BTAF1: variants seen among roughly 807,000 people sequenced by gnomAD.
The protein encoded by BTAF1 is TATA-binding protein-associated factor 172.
BTAF1 carries 38 observed loss-of-function variants against 227.1 expected under a neutral mutation model. The ratio of observed to expected loss-of-function variants is 0.17; its 90% CI spans 0.13 to 0.22. BTAF1 has a LOEUF of 0.22. Ranked by LOEUF, BTAF1 falls within the 10% of genes least tolerant of loss-of-function variation. BTAF1 has a pLI of 1.00. For synonymous variants in BTAF1, 742 were observed against 751.9 expected (o/e 0.99, Z 0.21); for missense variants, 1,598 against 2,204.0 (o/e 0.73, Z 5.51).
chr10:91,990,875 G>A (rs569416063), intron 20 of BTAF1, among the ~76,000 whole-genome samples: 2 of 152,218 alleles, frequency 1.3e-5, no homozygotes, highest in East Asian at 1.9e-4. Context: ...AGGAGGTCGA[G>A]GTGAGCAGAT....
At chr10:91,928,144 C>A (rs1843999043) in intron 1 of BTAF1, among the ~76,000 whole-genome samples, 1 of 151,828 alleles carries the variant, frequency 6.6e-6, no homozygotes, top group Admixed American at 6.6e-5. Context: ...ATAGTAAATT[C>A]TGTGATAGCA....
At chr10:91,952,499 T>G (rs1276066942) in intron 5 of BTAF1, among the ~76,000 whole-genome samples, 2 of 152,230 alleles carry the variant, frequency 1.3e-5, no homozygotes, top group African/African-American at 2.4e-5. Context: ...CAGTATTCTT[T>G]TAGGGGTCCA....
chr10:92,030,910 A>C lies in BTAF1; in HGVS notation c.*1977A>C, dbSNP rs1851853390. Among the ~76,000 whole-genome samples, 1 of 152,234 alleles carries C rather than the reference A, an allele frequency of 6.6e-6. No homozygotes were observed. On this transcript the variant is annotated 3_prime_UTR_variant, in exon 38 of 38. Coordinates refer to ENST00000265990, the MANE Select transcript of BTAF1 (RefSeq NM_003972.3). Reference sequence around the variant, plus strand: ...CTAAGTATTCTTAATTAAATGACCCAGTCATTGTAGTACATCTTAAGAATA... The same window carrying C: ...CTAAGTATTCTTAATTAAATGACCCCGTCATTGTAGTACATCTTAAGAATA...
At chr10:91,940,946 A>G (rs1175446722) in intron 3 of BTAF1, among the ~76,000 whole-genome samples, 1 of 152,130 alleles carries the variant, frequency 6.6e-6, no homozygotes, top group African/African-American at 2.4e-5. Flanking sequence ...TTTAGCCTCA[A>G]GCTGAGGCCC....
At position 92,024,882 on chromosome 10, in the gene BTAF1, C is replaced by T; in HGVS notation, c.4990C>T (p.Leu1664Phe). 1.9e-6 allele frequency: 3 copies of T among 1,614,038 alleles called. No homozygotes were observed. The highest frequency in any genetic ancestry group is 2.5e-6 in the Non-Finnish European group (3 of 1,180,000). The change falls in exon 35 of 38, where the codon CTC (leucine) becomes TTC (phenylalanine). Residue 1664 changes from leucine (L) to phenylalanine (F), a missense_variant. Physicochemically the swap from Leu to Phe is conservative, Grantham distance 22 (BLOSUM62 0). This residue lies in a region of BTAF1 where 205 missense variants were observed against 244.5 expected (regional missense o/e 0.84). Transcript: ENST00000265990. ...KSMLDIVEHD[L>F]LKPHLPSVTY... ...CATGCTTGATATAGTAGAGCATGATCTCCTCAAACCTCACTTGCCCTCTGT... is the reference window on the plus strand; with the variant it reads ...CATGCTTGATATAGTAGAGCATGATTTCCTCAAACCTCACTTGCCCTCTGT...
In BTAF1 at chr10:91,986,022, AT is replaced by A. The variant is rs889503894; in HGVS notation, c.2427+1631del. Reference sequence around the variant, plus strand: ...GCTATTATGTTGTGTGACTTCAGTAATTTTTTTTTTTTTAACTTTCCAAGTG... The same window carrying A: ...GCTATTATGTTGTGTGACTTCAGTAATTTTTTTTTTTTAACTTTCCAAGTG... On this transcript the variant is annotated intron_variant, in intron 19 of 37. Transcript: ENST00000265990. Among the ~76,000 whole-genome samples, 910 of 145,904 alleles carry A rather than the reference AT, an allele frequency of 6.2e-3. 3 individuals carry two copies. The highest frequency in any genetic ancestry group is 7.0e-3 in the Middle Eastern group (2 of 284).
intron 11 of BTAF1, among the ~76,000 whole-genome samples, chr10:91,961,639 C>A (rs1368721324): frequency 6.6e-6 from 1 of 151,982 alleles, no homozygotes; most frequent in African/African-American, 2.4e-5. Context: ...TTTCTGTGTT[C>A]TGCACTCTAG....
intron 1 of BTAF1, among the ~76,000 whole-genome samples, chr10:91,932,027 G>A (rs1844305511): frequency 6.6e-6 from 1 of 152,150 alleles, no homozygotes; most frequent in South Asian, 2.1e-4. Flanking sequence ...TTGGCTGGTG[G>A]GAGAGCAGAG....
chr10:91,959,838 T>C lies in BTAF1; in HGVS notation c.1044T>C (p.Cys348=). 6.2e-7 allele frequency: 1 copy of C among 1,610,136 alleles called. No individual in the cohort carries two copies. Among genetic ancestry groups the C allele is most frequent in the African/African-American group, 1.3e-5 (1 of 74,772 alleles). ...WLEDLVIRLL[C]VFALDRFGDF... The stretch of plus-strand genomic sequence containing the variant: ...AAGACTTGGTTATTAGACTCCTTTG[T>C]GTTTTTGCATTAGACAGATTTGGAG... Residue 348 remains cysteine, a synonymous_variant, in exon 10 of 38, where the codon TGT becomes TGC. Transcript: ENST00000265990.
At chr10:91,939,904 C>A in intron 2 of BTAF1, 48 bp from the exon 3 acceptor site, 2 of 1,309,868 alleles carry the variant, frequency 1.5e-6, no homozygotes, top group African/African-American at 1.5e-5. Context: ...GGCTACCTTG[C>A]GCAAACAATA....
chr10:91,949,811 C>G (rs190382821), intron 4 of BTAF1, among the ~76,000 whole-genome samples: 1 of 152,144 alleles, frequency 6.6e-6, no homozygotes, highest in East Asian at 1.9e-4. Flanking sequence ...GCCCCTAACT[C>G]TCTTCTCATT....
intron 19 of BTAF1, among the ~76,000 whole-genome samples, chr10:91,987,827 T>C (rs1201280815): frequency 1.3e-5 from 2 of 152,176 alleles, no homozygotes; most frequent in Non-Finnish European, 2.9e-5. Flanking sequence ...GCAAGTACGC[T>C]ACACTTATTC....
chr10:91,932,239 T>C (rs1844319259), intron 1 of BTAF1, among the ~76,000 whole-genome samples: 1 of 152,192 alleles, frequency 6.6e-6, no homozygotes, highest in Non-Finnish European at 1.5e-5. Context: ...CAGTGCCTAT[T>C]GCATGGCATT....
intron 21 of BTAF1, among the ~76,000 whole-genome samples, chr10:91,992,926 A>G (rs1848897566): frequency 6.6e-6 from 1 of 152,234 alleles, no homozygotes; most frequent in Admixed American, 6.5e-5. Flanking sequence ...TTAGCAATAG[A>G]ATGAATGCTC....
At chr10:91,935,585 C>T (rs956403317) in intron 1 of BTAF1, 72 bp from the exon 2 acceptor site, 7 of 1,525,866 alleles carry the variant, frequency 4.6e-6, no homozygotes, top group African/African-American at 1.4e-5. Flanking sequence ...CTGCTCAGTA[C>T]GTTTATTGAC....
intron 5 of BTAF1, among the ~76,000 whole-genome samples, chr10:91,951,773 G>C (rs900513838): frequency 6.6e-6 from 1 of 152,082 alleles, no homozygotes; most frequent in Non-Finnish European, 1.5e-5. Context: ...CCAGACACTG[G>C]ACTGTTAAGT....
chr10:92,011,882 A>G (rs1850314082), intron 30 of BTAF1, among the ~76,000 whole-genome samples: 2 of 152,044 alleles, frequency 1.3e-5, no homozygotes, highest in South Asian at 4.1e-4. Context: ...ATCTTTAGAT[A>G]CTTTTGAGAA....
chr10:91,928,249 T>C (rs1844004806), intron 1 of BTAF1, among the ~76,000 whole-genome samples: 1 of 152,168 alleles, frequency 6.6e-6, no homozygotes. Flanking sequence ...TACTTTCAGT[T>C]GTAAGAATGT....
chr10:91,970,706 A>G (rs1847232025), intron 14 of BTAF1, among the ~76,000 whole-genome samples: 1 of 152,182 alleles, frequency 6.6e-6, no homozygotes, highest in Non-Finnish European at 1.5e-5. Flanking sequence ...CATGTTTCTT[A>G]CCTTGGAAAA....
Sources: gnomAD v4.1 joint callset for allele counts (sites outside exome capture counted in the v4.1 genomes callset) on GRCh38, gnomAD v4.1.1 for gene constraint, gnomAD v4.1.1 regional missense constraint, MANE v1.5 for transcripts, NCBI Gene and HGNC (gene_info 2026-07-23, HGNC 2026-07-21) for gene names.